The following ANKRD44 variants were observed in gnomAD, a reference collection of about 807,000 sequenced individuals.
The protein encoded by ANKRD44 is serine/threonine-protein phosphatase 6 regulatory ankyrin repeat subunit B.
Under a neutral mutation model 116.0 loss-of-function variants are expected in ANKRD44, and 35 were observed. That is an observed-to-expected ratio of 0.30 (90% CI 0.23 to 0.40). The LOEUF is 0.40. Ranked by LOEUF, ANKRD44 falls within the 10% of genes least tolerant of loss-of-function variation. The pLI, the probability that ANKRD44 is intolerant of heterozygous loss-of-function variation, is 1.00. For missense variants in ANKRD44, 1,014 were observed against 1,242.6 expected (o/e 0.82, Z 2.77); for synonymous variants, 435 against 461.8 (o/e 0.94, Z 0.74).
intron 22 of ANKRD44, 26 bp from the exon 23 acceptor site, chr2:197,000,528 A>T (rs771644752): frequency 6.4e-7 from 1 of 1,572,094 alleles, no homozygotes; most frequent in South Asian, 1.1e-5. Context: ...GTTTTAATGT[A>T]ACAATCTCAC....
chr2:197,250,210 G>A (rs2082284390), intron 1 of ANKRD44, among the ~76,000 whole-genome samples: 1 of 152,206 alleles, frequency 6.6e-6, no homozygotes, highest in Non-Finnish European at 1.5e-5. Flanking sequence ...GTTGTTGGCA[G>A]CCATCTCCTT....
intron 2 of ANKRD44, among the ~76,000 whole-genome samples, chr2:197,152,606 A>G (rs929081932): frequency 2.6e-5 from 4 of 152,230 alleles, no homozygotes; most frequent in African/African-American, 9.6e-5. Flanking sequence ...CTGTCTGTTT[A>G]CCAAAGAAGA....
rs907670548 is a variant in ANKRD44 at position 197,076,120 on chromosome 2, A to C, written c.1650+2583T>G. Among the ~76,000 whole-genome samples, 23 of 152,186 alleles carry C rather than the reference A, an allele frequency of 1.5e-4. 1 individual carries two copies. The highest frequency in any genetic ancestry group is 3.2e-4 in the Non-Finnish European group (22 of 68,036). The stretch of plus-strand genomic sequence containing the variant: ...CCAGAAGCATAGGCTGGGATGGTGG[A>C]GTCAAAAATGATCTCCTTGCACAAT... On this transcript the variant is annotated intron_variant, in intron 16 of 27. Transcript: ENST00000282272.
At chr2:197,088,096 T>C (rs1034241386) in intron 12 of ANKRD44, among the ~76,000 whole-genome samples, 1 of 152,216 alleles carries the variant, frequency 6.6e-6, no homozygotes, top group Non-Finnish European at 1.5e-5. Context: ...GTTTAGTCAA[T>C]GTGTGGTCAC....
intron 17 of ANKRD44, among the ~76,000 whole-genome samples, chr2:197,019,794 TTTTC>T (rs1326838685): frequency 6.6e-6 from 1 of 151,942 alleles, no homozygotes; most frequent in Non-Finnish European, 1.5e-5. Flanking sequence ...ATTTCTTTTT[TTTTC>T]TTTCTTTTTT....
chr2:196,988,392 G>A lies in ANKRD44; in HGVS notation c.*1199C>T, dbSNP rs537139597. 1.6e-5 allele frequency: 16 copies of A among 985,258 alleles called. No individual in the cohort carries two copies. The South Asian group carries it at 2.8e-4, about 17-fold the overall frequency. The allele number at this position is 985,258 out of a possible 1,614,324, so 61.0% of individuals were successfully genotyped here. On this transcript the variant is annotated 3_prime_UTR_variant, in exon 28 of 28. Transcript: ENST00000282272. ...AAAAATTCATCTTCTCTAAACAAAC[G>A]AAAAGGACAGAAGGTGGGAAGCACA... is the stretch of plus-strand genomic sequence containing the variant.
chr2:197,064,700 CAAAG>C (rs887775205), intron 16 of ANKRD44, among the ~76,000 whole-genome samples: 3 of 152,070 alleles, frequency 2.0e-5, no homozygotes, highest in African/African-American at 7.2e-5. Context: ...TCAAAAGAGA[CAAAG>C]AAGGCCATTA....
intron 21 of ANKRD44, among the ~76,000 whole-genome samples, chr2:197,002,582 T>C (rs543589243): frequency 1.3e-5 from 2 of 152,284 alleles, no homozygotes; most frequent in East Asian, 1.9e-4. Flanking sequence ...TGTCACAGGA[T>C]GGTGAGAACT....
At chr2:197,180,500 C>T (rs2080477062) in intron 2 of ANKRD44, among the ~76,000 whole-genome samples, 1 of 152,148 alleles carries the variant, frequency 6.6e-6, no homozygotes, top group Non-Finnish European at 1.5e-5. Context: ...TTCCCTGCAG[C>T]CTCCTTACTC....
intron 3 of ANKRD44, among the ~76,000 whole-genome samples, chr2:197,143,174 C>CT (rs1362137824): frequency 2.1e-5 from 3 of 140,584 alleles, no homozygotes; most frequent in East Asian, 2.0e-4. Flanking sequence ...GAGATGGAGT[C>CT]TTTTTTTTAT....
chr2:196,976,312 A>G (rs1263378797), intron 21 of ANKRD44, among the ~76,000 whole-genome samples: 1 of 151,916 alleles, frequency 6.6e-6, no homozygotes, highest in Admixed American at 6.6e-5. Context: ...AATTTTTTGT[A>G]TTTTTAGTAG....
intron 1 of ANKRD44, among the ~76,000 whole-genome samples, chr2:197,253,289 ATTC>A (rs753301363): frequency 2.0e-5 from 3 of 152,258 alleles, no homozygotes. Context: ...TGGCTTTTGA[ATTC>A]TTCTCACTGT....
intron 1 of ANKRD44, chr2:197,263,619 C>T (rs1405225443): frequency 1.0e-5 from 2 of 199,554 alleles, no homozygotes; most frequent in Admixed American, 6.1e-5. Context: ...CCCCAGATGG[C>T]CTGGGGAACA....
At chr2:196,984,953 A>T (rs527525339), downstream of ANKRD44, among the ~76,000 whole-genome samples, 1 of 152,344 alleles carries the variant, frequency 6.6e-6, no homozygotes, top group South Asian at 2.1e-4. Context: ...CTTGCTTCTC[A>T]TGAATAGAAT....
At chr2:196,978,681 G>T (rs919262131) in intron 21 of ANKRD44, among the ~76,000 whole-genome samples, 1 of 152,152 alleles carries the variant, frequency 6.6e-6, no homozygotes, top group Non-Finnish European at 1.5e-5. Context: ...TCTGAAATTA[G>T]ATAGTAGTGA....
chr2:197,044,542 G>A (rs1052656850), intron 16 of ANKRD44, among the ~76,000 whole-genome samples: 1 of 152,080 alleles, frequency 6.6e-6, no homozygotes, highest in Non-Finnish European at 1.5e-5. Context: ...TGTATCTTTA[G>A]TAGAGACAGG....
At chr2:197,224,492 G>C (rs990135921) in intron 1 of ANKRD44, among the ~76,000 whole-genome samples, 9 of 152,166 alleles carry the variant, frequency 5.9e-5, no homozygotes, top group African/African-American at 2.2e-4. Flanking sequence ...ATCTAAGATT[G>C]TCCTTGTGTA....
intron 16 of ANKRD44, among the ~76,000 whole-genome samples, chr2:197,069,929 A>G (rs1372102206): frequency 6.7e-6 from 1 of 149,966 alleles, no homozygotes; most frequent in Non-Finnish European, 1.5e-5. Flanking sequence ...TTTCATCAGC[A>G]TTTTGTGGTT....
chr2:197,273,998 T>TAG (rs2082997266), intron 1 of ANKRD44, among the ~76,000 whole-genome samples: 3 of 24,272 alleles, frequency 1.2e-4, no homozygotes, highest in Admixed American at 6.0e-4. Context: ...TATATATATA[T>TAG]ATATATATAT....
Sources: gnomAD v4.1 joint callset for allele counts (sites outside exome capture counted in the v4.1 genomes callset) on GRCh38, gnomAD v4.1.1 for gene constraint, MANE v1.5 for transcripts, NCBI Gene and HGNC (gene_info 2026-07-23, HGNC 2026-07-21) for gene names.